GABRA3: variants seen among roughly 807,000 people sequenced by gnomAD.
GABRA3 encodes the protein gamma-aminobutyric acid receptor subunit alpha-3.
A neutral mutation model predicts 30.1 loss-of-function variants in GABRA3; 10 were observed. That is an observed-to-expected ratio of 0.33 (90% CI 0.20 to 0.56). GABRA3 has a LOEUF of 0.56. Among genes scored for constraint, GABRA3 ranks in the 20% least tolerant of loss-of-function variants. GABRA3 has a pLI of 0.89. For missense variants in GABRA3, 233 were observed against 392.0 expected (o/e 0.59, Z 3.42); for synonymous variants, 151 against 146.8 (o/e 1.03, Z -0.21).
At chrX:152,361,601 G>C (rs761553388) in intron 2 of GABRA3, among the ~76,000 whole-genome samples, 46 of 105,457 alleles carry the variant, frequency 4.4e-4, no homozygotes, top group African/African-American at 1.5e-3. Context: ...AAATTCGAAT[G>C]AATATAATGA....
At chrX:152,412,015 G>T (rs1321020470) in intron 1 of GABRA3, among the ~76,000 whole-genome samples, 1 of 110,619 alleles carries the variant, frequency 9.0e-6, no homozygotes, top group African/African-American at 3.3e-5. Flanking sequence ...GTGGGCTAAG[G>T]AATGAATAAA....
chrX:152,269,000 G>A (rs1349169241), intron 4 of GABRA3, among the ~76,000 whole-genome samples: 1 of 112,170 alleles, frequency 8.9e-6, no homozygotes, highest in Non-Finnish European at 1.9e-5. Flanking sequence ...ATTGTGGACA[G>A]AAAAGATACA....
At chrX:152,241,351 A>C (rs1456453862) in intron 5 of GABRA3, among the ~76,000 whole-genome samples, 2 of 94,323 alleles carry the variant, frequency 2.1e-5, no homozygotes, top group African/African-American at 6.8e-5. Flanking sequence ...TTGAGGAGGC[A>C]GTCTGCCGGT....
At chrX:152,273,060 T>C (rs1359018945) in intron 4 of GABRA3, among the ~76,000 whole-genome samples, 2 of 111,873 alleles carry the variant, frequency 1.8e-5, no homozygotes, top group Middle Eastern at 4.6e-3. Context: ...AACCAGAAGA[T>C]ATAAGCCGCT....
intron 5 of GABRA3, among the ~76,000 whole-genome samples, chrX:152,240,817 A>G (rs868421760): frequency 1.0e-5 from 1 of 95,998 alleles, no homozygotes; most frequent in Non-Finnish European, 2.0e-5. Flanking sequence ...TTCTTCACGT[A>G]GTTCTCGAGC....
chrX:152,328,953 A>G (rs1282624232), intron 3 of GABRA3, among the ~76,000 whole-genome samples: 5 of 112,093 alleles, frequency 4.5e-5, no homozygotes, highest in Non-Finnish European at 5.6e-5. Flanking sequence ...AGAAAACCCC[A>G]TCGTCTCAGC....
chrX:152,226,147 C>T (rs1207924437), intron 5 of GABRA3, among the ~76,000 whole-genome samples: 1 of 111,803 alleles, frequency 8.9e-6, no homozygotes, highest in African/African-American at 3.2e-5. Flanking sequence ...TCACTCTTCA[C>T]ATCACAGTGC....
intron 6 of GABRA3, among the ~76,000 whole-genome samples, chrX:152,216,521 G>C (rs1316481867): frequency 9.2e-6 from 1 of 108,820 alleles, no homozygotes; most frequent in South Asian, 4.0e-4. Context: ...AGGACATTAT[G>C]TTAAATGAAG....
intron 4 of GABRA3, among the ~76,000 whole-genome samples, chrX:152,260,741 A>G (rs1938714986): frequency 9.0e-6 from 1 of 111,420 alleles, no homozygotes; most frequent in African/African-American, 3.3e-5. Flanking sequence ...CCTTTCAAAT[A>G]TCCAGAAAGC....
At chrX:152,387,195 C>T (rs1017254612) in intron 1 of GABRA3, among the ~76,000 whole-genome samples, 24 of 106,648 alleles carry the variant, frequency 2.3e-4, no homozygotes, top group Admixed American at 9.1e-4. Flanking sequence ...ATACCTAATG[C>T]TAAATGACGA....
At chrX:152,420,542 T>C (rs1050828230) in intron 1 of GABRA3, among the ~76,000 whole-genome samples, 2 of 111,084 alleles carry the variant, frequency 1.8e-5, no homozygotes, top group East Asian at 5.7e-4. Flanking sequence ...TGGACAGATA[T>C]ATCATGTTCC....
At chrX:152,195,532 C>T (rs1368169450) in intron 8 of GABRA3, among the ~76,000 whole-genome samples, 2 of 112,238 alleles carry the variant, frequency 1.8e-5, no homozygotes, top group Non-Finnish European at 3.8e-5. Context: ...CAGGGTTGCA[C>T]TCCCTCTGGA....
At chrX:152,343,717 G>A (rs747161284) in intron 3 of GABRA3, among the ~76,000 whole-genome samples, 9 of 111,819 alleles carry the variant, frequency 8.0e-5, no homozygotes, top group Admixed American at 1.9e-4. Flanking sequence ...AAAAGCAGGC[G>A]TTACATAGCC....
intron 9 of GABRA3, among the ~76,000 whole-genome samples, chrX:152,169,005 AT>A (rs1286828641): frequency 8.9e-6 from 1 of 112,177 alleles, no homozygotes; most frequent in Non-Finnish European, 1.9e-5. Flanking sequence ...GATTACTCCC[AT>A]TTGACAGATG....
rs1603192689 is a variant in GABRA3, at chrX:152,166,450, T to C, written c.*1778A>G. 1 of 92,810 alleles carries C rather than the reference T, an allele frequency of 1.1e-5. No individual in the cohort carries two copies. The highest frequency in any genetic ancestry group is 3.7e-4 in the East Asian group (1 of 2,691). 7.6% of individuals were successfully genotyped at this position (92,810 alleles called of 1,213,427 possible). A position where few individuals can be genotyped will look rare whatever the true frequency, so the allele number is the denominator to read the frequency against. On this transcript the variant is annotated 3_prime_UTR_variant, in exon 10 of 10. Transcript: ENST00000370314. Reference sequence around the variant, plus strand: ...CCTACAGACACAGTCTTAGGAATAATGGGACGGGCATGCATTATCCCAGCA... The same window carrying C: ...CCTACAGACACAGTCTTAGGAATAACGGGACGGGCATGCATTATCCCAGCA...
intron 3 of GABRA3, among the ~76,000 whole-genome samples, chrX:152,306,359 CAT>C (rs1374790014): frequency 8.9e-6 from 1 of 112,304 alleles, no homozygotes; most frequent in Non-Finnish European, 1.9e-5. Context: ...AATGTCTACA[CAT>C]GTGTGCAAAG....
chrX:152,308,808 G>A (rs941282227), intron 3 of GABRA3, among the ~76,000 whole-genome samples: 1 of 112,259 alleles, frequency 8.9e-6, no homozygotes, highest in Non-Finnish European at 1.9e-5. Flanking sequence ...TGAAATGGCT[G>A]AAATGTCAGA....
At chrX:152,418,086 T>C (rs1267467552) in intron 1 of GABRA3, among the ~76,000 whole-genome samples, 1 of 110,426 alleles carries the variant, frequency 9.1e-6, no homozygotes, top group Admixed American at 9.6e-5. Flanking sequence ...ATTAAATATG[T>C]CATAACTGGA....
At chrX:152,381,741 C>T (rs1255905677) in intron 1 of GABRA3, among the ~76,000 whole-genome samples, 2 of 109,466 alleles carry the variant, frequency 1.8e-5, no homozygotes, top group African/African-American at 6.7e-5. Context: ...TGATGTTCCC[C>T]TCCCTGTGTC....
Sources: allele counts gnomAD v4.1 joint callset (sites outside exome capture counted in the v4.1 genomes callset), GRCh38; gene constraint gnomAD v4.1.1; transcripts MANE v1.5; gene names NCBI Gene and HGNC (gene_info 2026-07-23, HGNC 2026-07-21).